Variants in RBP7 observed in about 807,000 individuals in gnomAD.
The protein encoded by RBP7 is retinoid-binding protein 7.
RBP7 carries 13 observed loss-of-function variants against 16.7 expected under a neutral mutation model. The observed-to-expected ratio is 0.78, with a 90% CI of 0.51 to 1.24. RBP7 has a LOEUF of 1.24. Ranked by LOEUF, RBP7 falls within the 50% of genes most tolerant of loss-of-function variation. The pLI is 0.00. For synonymous variants in RBP7, 54 were observed against 56.2 expected (o/e 0.96, Z 0.17); for missense variants, 145 against 159.5 (o/e 0.91, Z 0.49).
chr1:10,008,968 G>T (rs1642529601), intron 3 of RBP7, among the ~76,000 whole-genome samples: 1 of 152,064 alleles, frequency 6.6e-6, no homozygotes. Context: ...ATTATTTTGG[G>T]CCCAATTACT....
In RBP7 at chr1:10,005,565, T is replaced by TG. The variant is rs201842086; in HGVS notation, c.74-2002dup. Among the ~76,000 whole-genome samples, 1,329 of 149,492 alleles carry TG rather than the reference T, an allele frequency of 8.9e-3. 27 individuals are homozygous for TG. The highest frequency in any genetic ancestry group is 0.03 in the African/African-American group (1,202 of 40,442). On this transcript the variant is annotated intron_variant, in intron 1 of 3. Transcript: ENST00000294435. ...TGTTTTATTTTTGGTTGTTGTTGTTTGGGTTTTTTTTTTTTTGAGACGGAG... is the reference window on the plus strand; with the variant it reads ...TGTTTTATTTTTGGTTGTTGTTGTTTGGGGTTTTTTTTTTTTTGAGACGGAG...
At chr1:9,998,117 T>A (rs534350085) in intron 1 of RBP7, among the ~76,000 whole-genome samples, 1 of 152,284 alleles carries the variant, frequency 6.6e-6, no homozygotes, top group Admixed American at 6.5e-5. Flanking sequence ...GCCTTCCAAG[T>A]AGCTGGGATT....
intron 1 of RBP7, among the ~76,000 whole-genome samples, chr1:10,000,540 A>G (rs892621971): frequency 6.6e-6 from 1 of 151,838 alleles, no homozygotes; most frequent in African/African-American, 2.4e-5. Context: ...TCTCAAAAAA[A>G]ATAAGTCAAT....
At chr1:10,009,978 T>C (rs74681101) in intron 3 of RBP7, among the ~76,000 whole-genome samples, 2 of 152,164 alleles carry the variant, frequency 1.3e-5, no homozygotes, top group Non-Finnish European at 2.9e-5. Context: ...TGCACCTGTT[T>C]TAAGTGTACA....
intron 3 of RBP7, among the ~76,000 whole-genome samples, chr1:10,013,767 G>A (rs1229683058): frequency 6.6e-6 from 1 of 151,928 alleles, no homozygotes; most frequent in African/African-American, 2.4e-5. Flanking sequence ...CCGAGATCGC[G>A]CCATTGCACT....
chr1:10,012,042 A>T (rs1642636589), intron 3 of RBP7, among the ~76,000 whole-genome samples: 1 of 151,892 alleles, frequency 6.6e-6, no homozygotes, highest in East Asian at 1.9e-4. Flanking sequence ...GTCTCTACTA[A>T]AAAATATTTA....
At chr1:10,006,191 T>C (rs544205415) in intron 1 of RBP7, among the ~76,000 whole-genome samples, 89 of 152,274 alleles carry the variant, frequency 5.8e-4, no homozygotes, top group Non-Finnish European at 1.1e-3. Flanking sequence ...TGTTTCCCTG[T>C]GGAACTCTTC....
intron 1 of RBP7, among the ~76,000 whole-genome samples, chr1:10,000,449 G>A (rs141577932): frequency 0.018 from 2,719 of 151,682 alleles, 37 homozygotes; most frequent in Non-Finnish European, 0.027. Flanking sequence ...CACGAGAATC[G>A]CTTGAACCTG....
chr1:10,012,211 C>CAAAAA (rs35228920), intron 3 of RBP7, among the ~76,000 whole-genome samples: 1 of 50,736 alleles, frequency 2.0e-5, no homozygotes, highest in Non-Finnish European at 3.5e-5. Context: ...AACTCCATCT[C>CAAAAA]AAAAAAAAAA....
chr1:10,008,821 C>T (rs1198312883), intron 3 of RBP7, among the ~76,000 whole-genome samples: 1 of 152,078 alleles, frequency 6.6e-6, no homozygotes, highest in Non-Finnish European at 1.5e-5. Flanking sequence ...TTAAATGAAA[C>T]AGCCGAATAT....
intron 1 of RBP7, among the ~76,000 whole-genome samples, chr1:10,003,621 T>A (rs1234632070): frequency 1.3e-5 from 2 of 152,246 alleles, no homozygotes; most frequent in African/African-American, 4.8e-5. Flanking sequence ...CTTCTCCCTC[T>A]GGCTTGCCCT....
chr1:10,007,747 A>G lies in RBP7; in HGVS notation c.251A>G (p.Lys84Arg). ...DNRGLDNRKC[K>R]SLVIWDNDRL... ...AGAGGCCTGGACAACAGAAAATGCAAGGTAAAATGTAAAGAAATGCCAGGT... is the reference window on the plus strand; with the variant it reads ...AGAGGCCTGGACAACAGAAAATGCAGGGTAAAATGTAAAGAAATGCCAGGT... The change falls in exon 2 of 4, where the codon AAG (lysine) becomes AGG (arginine). Residue 84 changes from lysine (K) to arginine (R), a missense_variant and splice_region_variant. Lys to Arg is a conservative substitution (Grantham distance 26, BLOSUM62 2). Coordinates refer to ENST00000294435, the MANE Select transcript of RBP7 (RefSeq NM_052960.3). The G allele has an allele frequency of 6.2e-7, 1 of 1,610,920 alleles. No homozygotes were observed. Among genetic ancestry groups the G allele is most frequent in the Non-Finnish European group, 8.5e-7 (1 of 1,179,118 alleles).
chr1:10,008,172 G>A lies in RBP7; in HGVS notation c.253-1G>A. 1 of 1,594,762 alleles carries A rather than the reference G, an allele frequency of 6.3e-7. No homozygotes were observed. Among genetic ancestry groups the A allele is most frequent in the Non-Finnish European group, 8.6e-7 (1 of 1,162,686 alleles). On this transcript the variant is annotated splice_acceptor_variant, in intron 2 of 3. Coordinates refer to ENST00000294435, the MANE Select transcript of RBP7 (RefSeq NM_052960.3). LOFTEE classifies it high-confidence loss of function. Reference sequence around the variant, plus strand: ...TAACATTTTCTCCTCTCTTCATGCAGAGTTTGGTTATCTGGGACAATGACA... The same window carrying A: ...TAACATTTTCTCCTCTCTTCATGCAAAGTTTGGTTATCTGGGACAATGACA...
rs538918652 is a variant in RBP7 at position 10,002,902 on chromosome 1, G to A, written c.74-4668G>A. 3.3e-5 allele frequency among the ~76,000 whole-genome samples: 5 copies of A among 152,296 alleles called. No individual in the cohort carries two copies. The South Asian group carries it at 1.0e-3, about 32-fold the overall frequency. On this transcript the variant is annotated intron_variant, in intron 1 of 3. Coordinates refer to ENST00000294435, the MANE Select transcript of RBP7 (RefSeq NM_052960.3). ...GACAATGTTGCAACATGGTAGTGAG[G>A]TAGGAGGCAGGGCTCAACTCCAGAA...
intron 3 of RBP7, among the ~76,000 whole-genome samples, chr1:10,012,463 T>C (rs928644206): frequency 2.6e-5 from 4 of 151,246 alleles, no homozygotes; most frequent in African/African-American, 7.3e-5. Flanking sequence ...TGTTTGAGGA[T>C]TTAGATTAGT....
At chr1:10,015,646 G>C in intron 3 of RBP7, 136 bp from the exon 4 acceptor site, 1 of 692,832 alleles carries the variant, frequency 1.4e-6, no homozygotes, top group Non-Finnish European at 2.5e-6. Flanking sequence ...CAGGACGACA[G>C]AGTGAGACCC....
intron 3 of RBP7, among the ~76,000 whole-genome samples, chr1:10,010,302 G>A (rs1337487655): frequency 6.6e-6 from 1 of 151,664 alleles, no homozygotes; most frequent in Non-Finnish European, 1.5e-5. Context: ...TTTGAGTAGA[G>A]ACAGGGTTTC....
At chr1:10,006,184 TTC>T (rs755285808) in intron 1 of RBP7, among the ~76,000 whole-genome samples, 130 of 152,244 alleles carry the variant, frequency 8.5e-4, no homozygotes, top group Non-Finnish European at 1.5e-3. Flanking sequence ...CATTCCATGT[TTC>T]CCTGTGGAAC....
Position 9,997,898 on chromosome 1 carries a change from C to G in RBP7, c.73+567C>G, listed in dbSNP as rs1642201412. On this transcript the variant is annotated intron_variant, in intron 1 of 3. Transcript: ENST00000294435. This position sits in a 1 kb window ranked among gnomAD's most constrained non-coding sequence, Gnocchi z 5.9. ...ATCCTGGAGCCAGCGGACGACCCTTCAGGTCCGGGCACCCGCGGGAGTGCA... is the reference window on the plus strand; with the variant it reads ...ATCCTGGAGCCAGCGGACGACCCTTGAGGTCCGGGCACCCGCGGGAGTGCA... Among the ~76,000 whole-genome samples the G allele has an allele frequency of 6.6e-6, 1 of 152,114 alleles. No individual in the cohort carries two copies. Among genetic ancestry groups the G allele is most frequent in the Non-Finnish European group, 1.5e-5 (1 of 67,998 alleles).
Sources: gnomAD v4.1 joint callset for allele counts (sites outside exome capture counted in the v4.1 genomes callset) on GRCh38, gnomAD v4.1.1 for gene constraint, Gnocchi (gnomAD v3.1) non-coding constraint, MANE v1.5 for transcripts, NCBI Gene and HGNC (gene_info 2026-07-23, HGNC 2026-07-21) for gene names.